FAF1: variants seen among roughly 807,000 people sequenced by gnomAD.
FAF1 encodes the protein FAS-associated factor 1.
A neutral mutation model predicts 92.5 loss-of-function variants in FAF1; 25 were observed. That is an observed-to-expected ratio of 0.27 (90% CI 0.20 to 0.38). The LOEUF is 0.38. FAF1 is among the 10% of genes least tolerant of loss of function. The pLI is 1.00. For missense variants in FAF1, 636 were observed against 793.3 expected, an observed-to-expected ratio of 0.80 and a Z score of 2.38; for synonymous variants, 234 against 273.2, an observed-to-expected ratio of 0.86 and a Z score of 1.42.
chr1:50,747,297 G>C (rs569348763), intron 4 of FAF1, among the ~76,000 whole-genome samples: 1 of 152,120 alleles, frequency 6.6e-6, no homozygotes, highest in East Asian at 1.9e-4. Context: ...AAGCCACAGG[G>C]GTGTAGCTGC....
At chr1:50,665,576 A>T (rs988346461) in intron 7 of FAF1, among the ~76,000 whole-genome samples, 6 of 152,222 alleles carry the variant, frequency 3.9e-5, no homozygotes, top group Non-Finnish European at 8.8e-5. Context: ...TTCTGTCCAT[A>T]AAGTTACACT....
At chr1:50,648,023 C>T (rs1329127280) in intron 8 of FAF1, among the ~76,000 whole-genome samples, 1 of 152,064 alleles carries the variant, frequency 6.6e-6, no homozygotes, top group Non-Finnish European at 1.5e-5. Flanking sequence ...CTTTGGGAGG[C>T]CGAGGCAGGT....
intron 7 of FAF1, among the ~76,000 whole-genome samples, chr1:50,683,872 T>C (rs1656534506): frequency 1.3e-5 from 2 of 149,184 alleles, no homozygotes; most frequent in Non-Finnish European, 3.0e-5. Context: ...GCGGAGGTTG[T>C]GGTGAGCCAA....
At chr1:50,492,675 C>G (rs908746532) in intron 15 of FAF1, among the ~76,000 whole-genome samples, 5 of 152,210 alleles carry the variant, frequency 3.3e-5, no homozygotes, top group African/African-American at 9.6e-5. Flanking sequence ...ATAAAGCCAC[C>G]AATATTTGTG....
intron 8 of FAF1, among the ~76,000 whole-genome samples, chr1:50,616,971 G>A (rs116609105): frequency 0.011 from 1,696 of 152,134 alleles, 35 homozygotes; most frequent in African/African-American, 0.039. Flanking sequence ...ATGAGCTACC[G>A]CACTCAGGCT....
intron 4 of FAF1, among the ~76,000 whole-genome samples, chr1:50,757,424 A>C (rs530660333): frequency 1.3e-5 from 2 of 152,226 alleles, no homozygotes; most frequent in South Asian, 4.1e-4. Context: ...AAATATTTCA[A>C]ACTCTGTTAT....
At chr1:50,840,868 T>A (rs1458640679) in intron 2 of FAF1, among the ~76,000 whole-genome samples, 1 of 152,050 alleles carries the variant, frequency 6.6e-6, no homozygotes, top group African/African-American at 2.4e-5. Context: ...TATTAATAGA[T>A]GATTAATTAA....
chr1:50,569,285 A>C (rs1431956104), intron 12 of FAF1, among the ~76,000 whole-genome samples: 3 of 152,048 alleles, frequency 2.0e-5, no homozygotes. Flanking sequence ...TCCCCTCTAG[A>C]CTAAATTTCT....
chr1:50,909,763 G>A (rs187475105), intron 1 of FAF1, among the ~76,000 whole-genome samples: 3 of 152,076 alleles, frequency 2.0e-5, no homozygotes, highest in Non-Finnish European at 4.4e-5. Context: ...GTTTATTCTG[G>A]TTAGCCATTC....
intron 1 of FAF1, among the ~76,000 whole-genome samples, chr1:50,894,009 G>C (rs1644739405): frequency 6.6e-6 from 1 of 152,036 alleles, no homozygotes; most frequent in African/African-American, 2.4e-5. Flanking sequence ...CCAGGCTACT[G>C]CCAATGTTCT....
At chr1:50,568,299 T>C (rs1373205428) in intron 12 of FAF1, among the ~76,000 whole-genome samples, 1 of 152,084 alleles carries the variant, frequency 6.6e-6, no homozygotes, top group East Asian at 1.9e-4. Context: ...TCCCTTCAAG[T>C]TAAATAAGAA....
chr1:50,700,318 T>C (rs921892058), intron 7 of FAF1, among the ~76,000 whole-genome samples: 1 of 152,100 alleles, frequency 6.6e-6, no homozygotes, highest in Non-Finnish European at 1.5e-5. Flanking sequence ...TTCCCCCCTC[T>C]CTCTCTCTCT....
intron 2 of FAF1, among the ~76,000 whole-genome samples, chr1:50,826,934 C>A (rs1405028551): frequency 3.3e-5 from 5 of 151,782 alleles, no homozygotes; most frequent in African/African-American, 1.2e-4. Flanking sequence ...GTGAGGAGCG[C>A]CTGTGCCCGG....
At chr1:50,451,839 G>GCCTATGCCTTTA in intron 18 of FAF1, 1 of 1,004,022 alleles carries the variant, frequency 1.0e-6, no homozygotes, top group Non-Finnish European at 1.2e-6. Context: ...TTCATTCCTA[G>GCCTATGCCTTTA]CCTATGCCTT....
At chr1:50,681,069 CAG>C (rs1004489128) in intron 7 of FAF1, among the ~76,000 whole-genome samples, 4 of 152,040 alleles carry the variant, frequency 2.6e-5, no homozygotes, top group Admixed American at 2.6e-4. Flanking sequence ...TGATTTGAGA[CAG>C]AGTCTCGCTC....
At chr1:50,723,324 C>T (rs760228855) in intron 6 of FAF1, among the ~76,000 whole-genome samples, 3 of 151,492 alleles carry the variant, frequency 2.0e-5, no homozygotes, top group South Asian at 2.1e-4. Flanking sequence ...TTGCTTGAAC[C>T]GGGAGGCAGA....
chr1:50,705,779 A>G lies in FAF1; in HGVS notation c.657+7T>C. 6.7e-7 allele frequency: 1 copy of G among 1,502,252 alleles called. No homozygotes were observed. The highest frequency in any genetic ancestry group is 1.1e-5 in the South Asian group (1 of 88,580). The allele number at this position is 1,502,252 out of a possible 1,614,324, so 93.1% of individuals were successfully genotyped here. On this transcript the variant is annotated splice_region_variant and intron_variant, in intron 7 of 18. Coordinates refer to ENST00000396153, the MANE Select transcript of FAF1 (RefSeq NM_007051.3). Reference sequence around the variant, plus strand: ...CCTTTATTTCTTAGCTGTGAGACATAACTCACCTCTTGAATAGTACTGCTT... The same window carrying G: ...CCTTTATTTCTTAGCTGTGAGACATGACTCACCTCTTGAATAGTACTGCTT...
At chr1:50,569,931 G>A (rs1291781205) in intron 12 of FAF1, among the ~76,000 whole-genome samples, 1 of 151,944 alleles carries the variant, frequency 6.6e-6, no homozygotes, top group African/African-American at 2.4e-5. Context: ...GCAATAAAAC[G>A]GCATCTCTTT....
intron 17 of FAF1, among the ~76,000 whole-genome samples, chr1:50,485,611 G>A (rs1035651562): frequency 1.7e-4 from 23 of 131,842 alleles, no homozygotes; most frequent in Admixed American, 1.0e-3. Context: ...GCAGTGAGCC[G>A]AGATTGTGCT....
Sources: allele counts gnomAD v4.1 joint callset (sites outside exome capture counted in the v4.1 genomes callset), GRCh38; gene constraint gnomAD v4.1.1; transcripts MANE v1.5; gene names NCBI Gene and HGNC (gene_info 2026-07-23, HGNC 2026-07-21).